The following TWIST2 variants were observed in gnomAD, a reference collection of about 807,000 sequenced individuals.
TWIST2 encodes twist family bHLH transcription factor 2.
TWIST2 carries 1 observed loss-of-function variant against 11.6 expected under a neutral mutation model. That is an observed-to-expected ratio of 0.09 (90% CI 0.03 to 0.41). TWIST2 has a LOEUF of 0.41. TWIST2 is among the 10% of genes least tolerant of loss of function. TWIST2 has a pLI of 0.98. For missense variants in TWIST2, 168 were observed against 226.4 expected (o/e 0.74, Z 1.66); for synonymous variants, 87 against 96.6 (o/e 0.90, Z 0.58).
rs570149311 is a variant in TWIST2 at position 238,864,916 on chromosome 2, G to T, written c.*35+16183G>T. Among the ~76,000 whole-genome samples, 1 of 152,180 alleles carries T rather than the reference G, an allele frequency of 6.6e-6. No homozygotes were observed. Among genetic ancestry groups the T allele is most frequent in the African/African-American group, 2.4e-5 (1 of 41,456 alleles). ...CCGCCAGGAGCAGAGAGCTCCGGAA[G>T]GCCTGCCGGGAGGACCTGGAGGATG... On this transcript the variant is annotated intron_variant, in intron 1 of 1. Coordinates refer to ENST00000612363, the MANE Select transcript of TWIST2 (RefSeq NM_001271893.4). This position sits in a 1 kb window ranked among gnomAD's most constrained non-coding sequence, Gnocchi z 4.7.
chr2:238,906,620 ACTCACACT>A (rs1449566424), intron 1 of TWIST2, among the ~76,000 whole-genome samples: 12 of 151,596 alleles, frequency 7.9e-5, no homozygotes, highest in African/African-American at 2.7e-4. Context: ...ATTCTTTCAT[ACTCACACT>A]CACTCTCACA....
At chr2:238,859,681 T>C (rs1443742441) in intron 1 of TWIST2, among the ~76,000 whole-genome samples, 1 of 152,178 alleles carries the variant, frequency 6.6e-6, no homozygotes, top group African/African-American at 2.4e-5. Context: ...ATCCCTCACT[T>C]TTCAGAGATG....
chr2:238,860,893 G>A (rs1432104482), intron 1 of TWIST2, among the ~76,000 whole-genome samples: 5 of 152,114 alleles, frequency 3.3e-5, no homozygotes, highest in Non-Finnish European at 7.4e-5. Flanking sequence ...AGCCGACATC[G>A]CGCCACTGCC....
At chr2:238,897,153 C>T (rs1446586153) in intron 1 of TWIST2, among the ~76,000 whole-genome samples, 1 of 152,248 alleles carries the variant, frequency 6.6e-6, no homozygotes, top group Non-Finnish European at 1.5e-5. Context: ...AATCCTCCAA[C>T]GCCCCCTTTG....
rs117046436 is a variant in TWIST2, at chr2:238,884,600, G to A, written c.*36-25242G>A. Reference sequence around the variant, plus strand: ...CGGACTGGGCTGGCGAGGTGAGAACGGCACCTTCACACCTGCCAGGGGGCT... The same window carrying A: ...CGGACTGGGCTGGCGAGGTGAGAACAGCACCTTCACACCTGCCAGGGGGCT... On this transcript the variant is annotated intron_variant, in intron 1 of 1. Transcript: ENST00000612363. 3.4e-4 allele frequency among the ~76,000 whole-genome samples: 52 copies of A among 152,320 alleles called. No homozygotes were observed. In the East Asian group the frequency reaches 7.5e-3, roughly 22 times the overall value.
intron 1 of TWIST2, among the ~76,000 whole-genome samples, chr2:238,908,479 CACTA>C (rs1430469617): frequency 6.6e-6 from 1 of 152,072 alleles, no homozygotes; most frequent in Non-Finnish European, 1.5e-5. Context: ...GTACACTACA[CACTA>C]TATACCACAC....
chr2:238,905,956 T>C (rs1371073709), intron 1 of TWIST2, among the ~76,000 whole-genome samples: 6 of 111,234 alleles, frequency 5.4e-5, no homozygotes, highest in South Asian at 2.5e-4. Flanking sequence ...CGCGCGTGTG[T>C]ACGTGTGCGT....
chr2:238,909,620 G>T lies in TWIST2; in HGVS notation c.*36-222G>T, dbSNP rs1693418508. 7.2e-5 allele frequency among the ~76,000 whole-genome samples: 11 copies of T among 152,256 alleles called. No individual in the cohort carries two copies. In the South Asian group the frequency reaches 2.3e-3, roughly 32 times the overall value. ...AAAGGGCACTCGGGGGAGGGAAAGG[G>T]CTTGGCCTGGCCCAGGGGGCAGGGG... On this transcript the variant is annotated intron_variant, in intron 1 of 1. Transcript: ENST00000612363.
At chr2:238,888,031 C>T (rs1693072131) in intron 1 of TWIST2, among the ~76,000 whole-genome samples, 1 of 152,220 alleles carries the variant, frequency 6.6e-6, no homozygotes, top group Non-Finnish European at 1.5e-5. Context: ...ATTTAAAATT[C>T]ATGTGAGAGG....
chr2:238,905,916 TGCAG>T (rs1559285455), intron 1 of TWIST2, among the ~76,000 whole-genome samples: 3,349 of 122,048 alleles, frequency 0.027, 51 homozygotes, highest in East Asian at 0.065. Context: ...TGTGTGTGCG[TGCAG>T]GTGTGCGTGT....
chr2:238,906,166 C>T (rs1027817727), intron 1 of TWIST2, among the ~76,000 whole-genome samples: 1 of 151,902 alleles, frequency 6.6e-6, no homozygotes, highest in African/African-American at 2.4e-5. Context: ...GGTGAAGGAG[C>T]GGAACCACAC....
At chr2:238,870,457 A>C (rs992151750) in intron 1 of TWIST2, among the ~76,000 whole-genome samples, 4 of 119,382 alleles carry the variant, frequency 3.4e-5, no homozygotes, top group South Asian at 2.8e-4. Context: ...CCCCACACAC[A>C]CCACACACCC....
intron 1 of TWIST2, among the ~76,000 whole-genome samples, chr2:238,898,893 A>G (rs920236256): frequency 0.02 from 3,054 of 152,342 alleles, 92 homozygotes; most frequent in African/African-American, 0.07. Flanking sequence ...GGAAGCCTGT[A>G]GTCAGGCAGC....
At chr2:238,865,588 C>T (rs1186680205) in intron 1 of TWIST2, among the ~76,000 whole-genome samples, 1 of 152,226 alleles carries the variant, frequency 6.6e-6, no homozygotes, top group Non-Finnish European at 1.5e-5. Flanking sequence ...TCACGTCACC[C>T]ACCTGGCGTC....
chr2:238,856,112 A>G (rs1054570048), intron 1 of TWIST2, among the ~76,000 whole-genome samples: 1 of 151,956 alleles, frequency 6.6e-6, no homozygotes, highest in Non-Finnish European at 1.5e-5. Flanking sequence ...CTGGCGTTTT[A>G]TGGCCCCCGA....
chr2:238,864,054 T>C lies in TWIST2; in HGVS notation c.*35+15321T>C, dbSNP rs144334105. Among the ~76,000 whole-genome samples the C allele has an allele frequency of 6.6e-6, 1 of 152,214 alleles. No homozygotes were observed. Among genetic ancestry groups the C allele is most frequent in the Non-Finnish European group, 1.5e-5 (1 of 68,042 alleles). On this transcript the variant is annotated intron_variant, in intron 1 of 1. Coordinates refer to ENST00000612363, the MANE Select transcript of TWIST2 (RefSeq NM_001271893.4). This position sits in a 1 kb window ranked among gnomAD's most constrained non-coding sequence, Gnocchi z 4.7. ...GCCATAATCTAATTTTCGTTAAGCC[T>C]GTCTTCCTTTACACCCTGGGCTACA...
rs1693210759 is a variant in TWIST2, at chr2:238,896,611, C to G, written c.*36-13231C>G. Among the ~76,000 whole-genome samples, 7 of 152,304 alleles carry G rather than the reference C, an allele frequency of 4.6e-5. No individual in the cohort carries two copies. The South Asian group carries it at 1.2e-3, about 27-fold the overall frequency. On this transcript the variant is annotated intron_variant, in intron 1 of 1. Coordinates refer to ENST00000612363, the MANE Select transcript of TWIST2 (RefSeq NM_001271893.4). ...CTGTAAGAGCTCAGAGCAGGCAGCA[C>G]CTGGTGCATTTGTCTGACCAGCAGA...
intron 1 of TWIST2, among the ~76,000 whole-genome samples, chr2:238,889,164 A>G (rs966375868): frequency 1.3e-5 from 2 of 152,178 alleles, no homozygotes; most frequent in African/African-American, 4.8e-5. Flanking sequence ...GCCAGGTTTG[A>G]TTGGACTGTC....
intron 1 of TWIST2, among the ~76,000 whole-genome samples, chr2:238,868,550 G>C (rs974108267): frequency 6.6e-6 from 1 of 152,178 alleles, no homozygotes; most frequent in Non-Finnish European, 1.5e-5. Flanking sequence ...CATTCTATGG[G>C]ACCACAGGAA....
Sources: gnomAD v4.1 joint callset for allele counts (sites outside exome capture counted in the v4.1 genomes callset) on GRCh38, gnomAD v4.1.1 for gene constraint, Gnocchi (gnomAD v3.1) non-coding constraint, MANE v1.5 for transcripts, NCBI Gene and HGNC (gene_info 2026-07-23, HGNC 2026-07-21) for gene names.